Variants in DHRS9 observed in about 807,000 individuals in gnomAD.
DHRS9 encodes the protein dehydrogenase/reductase SDR family member 9.
DHRS9 carries 18 observed loss-of-function variants against 26.6 expected under a neutral mutation model. The observed-to-expected ratio is 0.68, with a 90% CI of 0.47 to 1.00. The LOEUF (loss-of-function observed/expected upper bound fraction) is 1.00, where lower values mean the gene tolerates loss of function less well. Among genes scored for constraint, DHRS9 ranks in the 50% least tolerant of loss-of-function variants. The probability of loss-of-function intolerance (pLI) is 0.00; values close to 1 mark genes in which losing one functional copy is unlikely to be tolerated. For missense variants in DHRS9, 425 were observed against 378.7 expected (o/e 1.12, Z -1.01); for synonymous variants, 134 against 141.1 (o/e 0.95, Z 0.36).
At chr2:169,077,994 G>A (rs560066563) in intron 1 of DHRS9, among the ~76,000 whole-genome samples, 21 of 152,316 alleles carry the variant, frequency 1.4e-4, no homozygotes, top group African/African-American at 4.6e-4. Context: ...TGGACAAGAT[G>A]TGAAGTGTCG....
intron 1 of DHRS9, chr2:169,074,282 A>T: frequency 1.0e-6 from 1 of 985,388 alleles, no homozygotes; most frequent in Non-Finnish European, 1.2e-6. Flanking sequence ...AAGAAAAGTT[A>T]ATTTGTCCGA....
At chr2:169,070,066 C>G in intron 1 of DHRS9, 1 of 984,262 alleles carries the variant, frequency 1.0e-6, no homozygotes, top group South Asian at 4.7e-5. Context: ...GGGGAAGTCT[C>G]CAAAAAGCAC....
chr2:169,071,268 G>A (rs1366482221), intron 1 of DHRS9, among the ~76,000 whole-genome samples: 4 of 152,150 alleles, frequency 2.6e-5, no homozygotes, highest in African/African-American at 4.8e-5. Flanking sequence ...GTTATGCAGT[G>A]ACCATAAATA....
chr2:169,089,353 C>G (rs1684449321), intron 3 of DHRS9, among the ~76,000 whole-genome samples: 1 of 152,118 alleles, frequency 6.6e-6, no homozygotes, highest in Non-Finnish European at 1.5e-5. Context: ...TCCTGATCCC[C>G]CACTGGCACT....
rs773461118 is a variant in DHRS9, at chr2:169,095,494, T to A, written c.737-50T>A. ...TCCCCTTTGCACCCTAGACTTCCACTCTGCTTTCCCCTTCTACCAAAGAGT... is the reference window on the plus strand; with the variant it reads ...TCCCCTTTGCACCCTAGACTTCCACACTGCTTTCCCCTTCTACCAAAGAGT... On this transcript the variant is annotated intron_variant, in intron 4 of 4. Transcript: ENST00000674881. The A allele has an allele frequency of 5.3e-5, 79 of 1,495,986 alleles. No individual in the cohort carries two copies. In the South Asian group the frequency reaches 8.6e-4, roughly 16 times the overall value. The allele number at this position is 1,495,986 out of a possible 1,614,324, so 92.7% of individuals were successfully genotyped here.
chr2:169,070,406 A>G (rs1574016778), intron 1 of DHRS9: 1 of 985,340 alleles, frequency 1.0e-6, no homozygotes, highest in East Asian at 1.1e-4. Flanking sequence ...GGTGTGCTTC[A>G]ATAAATACAT....
intron 1 of DHRS9, among the ~76,000 whole-genome samples, chr2:169,072,896 T>A (rs1318795282): frequency 6.6e-6 from 1 of 152,208 alleles, no homozygotes; most frequent in East Asian, 1.9e-4. Flanking sequence ...TTATGACCTC[T>A]ACTCTACACC....
In DHRS9 at chr2:169,081,841, C is replaced by T. The variant is rs1348242086; in HGVS notation, c.260C>T (p.Pro87Leu). Residue 87 changes from proline (P) to leucine (L), a missense_variant, in exon 2 of 5, where the codon CCA (proline) becomes CTA (leucine). Coordinates refer to ENST00000674881, the MANE Select transcript of DHRS9 (RefSeq NM_001376924.1). Reference protein sequence around the residue: ...LRTVLLDVTDPENVKRTAQWV... With the variant: ...LRTVLLDVTDLENVKRTAQWV... ...ACTGTGCTTCTGGATGTGACCGACCCAGAGAATGTCAAGAGGACTGCCCAG... is the reference window on the plus strand; with the variant it reads ...ACTGTGCTTCTGGATGTGACCGACCTAGAGAATGTCAAGAGGACTGCCCAG... 2 of 1,613,716 alleles carry T rather than the reference C, an allele frequency of 1.2e-6. No homozygotes were observed. Among genetic ancestry groups the T allele is most frequent in the East Asian group, 2.2e-5 (1 of 44,874 alleles).
upstream of DHRS9, chr2:169,067,084 C>A: frequency 2.0e-6 from 3 of 1,529,070 alleles, no homozygotes; most frequent in Non-Finnish European, 2.6e-6. Context: ...TTCATAGCAG[C>A]TTATAGTCGT....
At chr2:169,073,256 G>T (rs57570566) in intron 1 of DHRS9, among the ~76,000 whole-genome samples, 1 of 152,202 alleles carries the variant, frequency 6.6e-6, no homozygotes, top group Non-Finnish European at 1.5e-5. Context: ...AATGGTCTGG[G>T]TATCAGTCCC....
At chr2:169,081,476 C>A in intron 1 of DHRS9, 47 bp from the exon 2 acceptor site, 4 of 1,502,270 alleles carry the variant, frequency 2.7e-6, no homozygotes, top group Non-Finnish European at 3.5e-6. Context: ...GGTTATAATG[C>A]CTTGGTAGTT....
intron 1 of DHRS9, 54 bp from the exon 2 acceptor site, chr2:169,081,469 T>A (rs1344669922): frequency 1.3e-6 from 2 of 1,491,638 alleles, no homozygotes; most frequent in Non-Finnish European, 1.8e-6. Flanking sequence ...AGTCCTGGGT[T>A]ATAATGCCTT....
chr2:169,072,988 T>G (rs1341508750), intron 1 of DHRS9, among the ~76,000 whole-genome samples: 2 of 152,198 alleles, frequency 1.3e-5, no homozygotes, highest in Non-Finnish European at 2.9e-5. Flanking sequence ...ATTGGAAGTG[T>G]GAATATTATG....
intron 3 of DHRS9, among the ~76,000 whole-genome samples, chr2:169,090,141 G>A (rs761289608): frequency 4.0e-4 from 61 of 152,146 alleles, no homozygotes; most frequent in Non-Finnish European, 6.2e-4. Context: ...ATGTAGGTGC[G>A]CCACAATCCA....
chr2:169,078,134 G>A (rs1417888209), intron 1 of DHRS9, among the ~76,000 whole-genome samples: 1 of 152,156 alleles, frequency 6.6e-6, no homozygotes, highest in African/African-American at 2.4e-5. Flanking sequence ...AGTGACCTTG[G>A]CAAATCACTT....
chr2:169,090,085 G>A (rs1365595852), intron 3 of DHRS9, among the ~76,000 whole-genome samples: 4 of 152,166 alleles, frequency 2.6e-5, no homozygotes, highest in Non-Finnish European at 5.9e-5. Flanking sequence ...TCAATAAAGA[G>A]TATTTTTCTT....
At chr2:169,089,659 A>T (rs1244384647) in intron 3 of DHRS9, among the ~76,000 whole-genome samples, 1 of 152,252 alleles carries the variant, frequency 6.6e-6, no homozygotes, top group Admixed American at 6.5e-5. Context: ...ACTGAAATTA[A>T]TAAAGATAGA....
intron 3 of DHRS9, among the ~76,000 whole-genome samples, chr2:169,083,949 T>C (rs966926195): frequency 6.6e-6 from 1 of 152,158 alleles, no homozygotes; most frequent in African/African-American, 2.4e-5. Context: ...CATCTAGTTA[T>C]ATTTCTATAT....
At chr2:169,067,365 C>T (rs914182905), upstream of DHRS9, 4 of 1,463,622 alleles carry the variant, frequency 2.7e-6, no homozygotes, top group African/African-American at 4.2e-5. Flanking sequence ...CGTATGTCTC[C>T]TGAGACAGCC....
Sources: gnomAD v4.1 joint callset for allele counts (sites outside exome capture counted in the v4.1 genomes callset) on GRCh38, gnomAD v4.1.1 for gene constraint, MANE v1.5 for transcripts, NCBI Gene and HGNC (gene_info 2026-07-23, HGNC 2026-07-21) for gene names.